Variants in FAM83H observed in about 807,000 individuals in gnomAD.
FAM83H encodes the protein protein FAM83H.
Under a neutral mutation model 30.2 loss-of-function variants are expected in FAM83H, and 24 were observed. That is an observed-to-expected ratio of 0.79 (90% CI 0.57 to 1.12). FAM83H has a LOEUF of 1.12. Ranked by LOEUF, FAM83H falls within the 50% of genes most tolerant of loss-of-function variation. The probability of loss-of-function intolerance (pLI) is 0.00; values close to 1 mark genes in which losing one functional copy is unlikely to be tolerated. For missense variants in FAM83H, 2,038 were observed against 1,773.9 expected (o/e 1.15, Z -2.67); for synonymous variants, 1,013 against 821.7 (o/e 1.23, Z -3.98).
rs781813332 is a variant in FAM83H, at chr8:143,728,222, C to T, written c.1239G>A (p.Ala413=). The change falls in exon 5 of 5, where the codon GCG becomes GCA. Residue 413 remains alanine, a synonymous_variant. Transcript: ENST00000388913. ...EMDAFKRHSF[A]TEGAGAVENF... ...TCTCCACGGCGCCCGCGCCCTCGGT[C>T]GCGAAGCTGTGCCGCTTGAAGGCGT... 2 of 1,594,606 alleles carry T rather than the reference C, an allele frequency of 1.3e-6. No individual in the cohort carries two copies. Among genetic ancestry groups the T allele is most frequent in the East Asian group, 2.3e-5 (1 of 44,280 alleles).
chr8:143,731,591 C>A, intron 1 of FAM83H: 8 of 985,466 alleles, frequency 8.1e-6, no homozygotes, highest in Non-Finnish European at 8.4e-6. Context: ...CTTGGCCTAC[C>A]TTTGACCTCT....
At chr8:143,729,380 C>G in intron 2 of FAM83H, 57 bp from the exon 3 acceptor site, 1 of 1,596,152 alleles carries the variant, frequency 6.3e-7, no homozygotes, top group Non-Finnish European at 8.6e-7. Flanking sequence ...ACACCATTGT[C>G]CAGCCTCCCC....
In FAM83H at chr8:143,725,156, C is replaced by CGGGGGGGGGGGGGGGGGGGGGA. The variant is rs549881150; in HGVS notation, c.*764_*765insTCCCCCCCCCCCCCCCCCCCCC. 2.7e-5 allele frequency: 1 copy of CGGGGGGGGGGGGGGGGGGGGGA among 37,530 alleles called. No individual in the cohort carries two copies. The highest frequency in any genetic ancestry group is 5.5e-5 in the Non-Finnish European group (1 of 18,068). 2.3% of individuals were successfully genotyped at this position (37,530 alleles called of 1,614,324 possible). On this transcript the variant is annotated 3_prime_UTR_variant, in exon 5 of 5. Transcript: ENST00000388913. ...AAGCCCAGGCGGGGGAGGGGGGAGA[C>CGGGGGGGGGGGGGGGGGGGGGA]GGGGGGGGGGGGGGGGGAGGGAAGG...
rs782484545 is a variant in FAM83H at position 143,730,189 on chromosome 8, C to CG, written c.393dup (p.Asp132ArgfsTer8). ...GCCTCATCCTTGATACTGGGGCTGT[C>CG]GGGGGGCGGTGGCTGCACCAAGGTG... On this transcript the variant is annotated frameshift_variant, in exon 2 of 5. Coordinates refer to ENST00000388913, the MANE Select transcript of FAM83H (RefSeq NM_198488.5). LOFTEE classifies it high-confidence loss of function. The CG allele has an allele frequency of 1.2e-6, 2 of 1,608,940 alleles. No homozygotes were observed.
At chr8:143,732,718 A>G (rs1034702302) in intron 1 of FAM83H, 9 of 985,208 alleles carry the variant, frequency 9.1e-6, no homozygotes, top group African/African-American at 1.7e-5. Context: ...CTCCTGGGCT[A>G]TGGACGGGGC....
Position 143,726,659 on chromosome 8 carries a change from C to G in FAM83H, c.2802G>C (p.Arg934Ser). The part of the protein sequence containing the change: ...SSPVPPVPER[R>S]GSLTLTISGE... ...CGGAGATGGTAAGGGTGAGGCTGCC[C>G]CTGCGCTCCGGCACGGGGGGCACCG... is the stretch of plus-strand genomic sequence containing the variant. Residue 934 changes from arginine (R) to serine (S), a missense_variant, in exon 5 of 5, where the codon AGG becomes AGC. Arg to Ser is a moderately radical substitution (Grantham distance 110). Coordinates refer to ENST00000388913, the MANE Select transcript of FAM83H (RefSeq NM_198488.5). 1.3e-6 allele frequency: 2 copies of G among 1,595,242 alleles called. No homozygotes were observed. The highest frequency in any genetic ancestry group is 1.7e-6 in the Non-Finnish European group (2 of 1,175,892).
chr8:143,728,358 T>TCCAGCGCGCC lies in FAM83H; in HGVS notation c.1093_1102dup (p.Glu368GlyfsTer87). 6.5e-7 allele frequency: 1 copy of TCCAGCGCGCC among 1,541,484 alleles called. No homozygotes were observed. Among genetic ancestry groups the TCCAGCGCGCC allele is most frequent in the Non-Finnish European group, 8.8e-7 (1 of 1,142,802 alleles). ...GAGCGGCCGCAGCCCCGCGTGCGGTTCCAGCGCGCCCCCCGGCATCCGCGG... is the reference window on the plus strand; with the variant it reads ...GAGCGGCCGCAGCCCCGCGTGCGGTTCCAGCGCGCCCCAGCGCGCCCCCCGGCATCCGCGG... On this transcript the variant is annotated frameshift_variant, in exon 5 of 5. Transcript: ENST00000388913. LOFTEE classifies it low-confidence loss of function (END_TRUNC).
chr8:143,732,262 A>G, intron 1 of FAM83H: 2 of 985,380 alleles, frequency 2.0e-6, no homozygotes, highest in Non-Finnish European at 2.4e-6. Context: ...AGCTGTCCCA[A>G]CATTTCTTTG....
intron 2 of FAM83H, 150 bp from the exon 3 acceptor site, chr8:143,729,473 G>C: frequency 1.2e-6 from 1 of 856,662 alleles, no homozygotes; most frequent in Non-Finnish European, 1.9e-6. Context: ...CCACATCTGG[G>C]AAGATGGGCA....
intron 1 of FAM83H, chr8:143,732,155 GC>G: frequency 3.0e-6 from 3 of 985,420 alleles, no homozygotes; most frequent in Non-Finnish European, 3.6e-6. Flanking sequence ...TCAGGAGGCA[GC>G]CGTCCTGCCT....
rs782018868 is a variant in FAM83H, at chr8:143,727,691, G to A, written c.1770C>T (p.Cys590=). 2 of 1,560,244 alleles carry A rather than the reference G, an allele frequency of 1.3e-6. No homozygotes were observed. The highest frequency in any genetic ancestry group is 2.3e-5 in the South Asian group (2 of 86,512). ...CGTCGTCGCCCCCATCCTCGCCGTG[G>A]CAGCCGCTCAAGTAGGAGGCCAAAC... ...RWRLASYLSG[C]HGEDGGDDGL... Residue 590 remains cysteine, a synonymous_variant, in exon 5 of 5, where the codon TGC becomes TGT. Coordinates refer to ENST00000388913, the MANE Select transcript of FAM83H (RefSeq NM_198488.5).
intron 1 of FAM83H, chr8:143,732,934 C>T (rs1192945274): frequency 6.4e-6 from 1 of 155,848 alleles, no homozygotes; most frequent in Admixed American, 6.5e-5. Context: ...CCCATCCTCT[C>T]CACCCTGGCA....
Position 143,728,130 on chromosome 8 carries a change from T to C in FAM83H, c.1331A>G (p.Gln444Arg). 6.2e-7 allele frequency: 1 copy of C among 1,610,116 alleles called. No homozygotes were observed. The highest frequency in any genetic ancestry group is 8.5e-7 in the Non-Finnish European group (1 of 1,179,236). ...FLSHGDDFRF[Q>R]TSHFHRDQLY... The stretch of plus-strand genomic sequence containing the variant: ...CTGGTCACGGTGGAAGTGGCTGGTC[T>C]GGAAGCGGAAGTCGTCGCCGTGGCT... The change falls in exon 5 of 5, where the codon CAG becomes CGG. Residue 444 changes from glutamine (Q) to arginine (R), a missense_variant. Gln to Arg is a conservative substitution (Grantham distance 43). Transcript: ENST00000388913.
In FAM83H at chr8:143,726,402, C is replaced by T. The variant is rs117987215; in HGVS notation, c.3059G>A (p.Arg1020Gln). The T allele has an allele frequency of 9.0e-3, 14,465 of 1,605,694 alleles. 91 individuals are homozygous for T. The highest frequency in any genetic ancestry group is 0.011 in the Non-Finnish European group (13,045 of 1,177,790). Residue 1020 changes from arginine (R) to glutamine (Q), a missense_variant, in exon 5 of 5, where the codon CGG (arginine) becomes CAG (glutamine). Transcript: ENST00000388913. ...TEAATEERGP[R>Q]ARLSSATANA... ...GGCCGTGGCTGAGGACAGGCGCGCCCGCGGACCCCGCTCTTCTGTGGCAGC... is the reference window on the plus strand; with the variant it reads ...GGCCGTGGCTGAGGACAGGCGCGCCTGCGGACCCCGCTCTTCTGTGGCAGC...
chr8:143,731,815 CTG>C lies in FAM83H; in HGVS notation c.-15-1220_-15-1219del, dbSNP rs1307686636. On this transcript the variant is annotated intron_variant, in intron 1 of 4. Coordinates refer to ENST00000388913, the MANE Select transcript of FAM83H (RefSeq NM_198488.5). ...ATGCTTGGCTGCCCCACAGCCCACT[CTG>C]TTCTCCAAAGGGTCCCTGCGGGGGC... The C allele has an allele frequency of 1.8e-5, 18 of 985,360 alleles. No individual in the cohort carries two copies. The Admixed American group carries it at 4.9e-4, about 27-fold the overall frequency. 61.0% of individuals were successfully genotyped at this position (985,360 alleles called of 1,614,324 possible).
chr8:143,727,264 T>A lies in FAM83H; in HGVS notation c.2197A>T (p.Lys733Ter). Residue 733 changes from lysine (K) to a stop codon, truncating the protein, a stop_gained, in exon 5 of 5, where the codon AAG (lysine) becomes TAG (stop). Coordinates refer to ENST00000388913, the MANE Select transcript of FAM83H (RefSeq NM_198488.5). LOFTEE classifies it low-confidence loss of function (END_TRUNC). The part of the protein sequence containing the change: ...GEAVRSAAST[K>*]VAELLEKYKG... The stretch of plus-strand genomic sequence containing the variant: ...TACTTCTCCAGCAGCTCCGCCACCT[T>A]GGTGGAAGCCGCGGAGCGCACGGCC... 6.5e-7 allele frequency: 1 copy of A among 1,535,358 alleles called. No individual in the cohort carries two copies. Among genetic ancestry groups the A allele is most frequent in the South Asian group, 1.2e-5 (1 of 84,090 alleles).
Position 143,729,285 on chromosome 8 carries a change from G to A in FAM83H, c.486C>T (p.Asp162=). ...AVVMDMFTDV[D]LLSEVLEAAA... Reference sequence around the variant, plus strand: ...CGGCCTCCAGCACTTCGCTGAGCAGGTCCACATCAGTGAACATGTCCATCA... The same window carrying A: ...CGGCCTCCAGCACTTCGCTGAGCAGATCCACATCAGTGAACATGTCCATCA... The change falls in exon 3 of 5, where the codon GAC becomes GAT. Residue 162 remains aspartate (D), a synonymous_variant. Transcript: ENST00000388913. The A allele has an allele frequency of 1.9e-6, 3 of 1,613,372 alleles. No homozygotes were observed. The South Asian group carries it at 3.3e-5, about 18-fold the overall frequency.
chr8:143,730,497 C>A lies in FAM83H; in HGVS notation c.86G>T (p.Arg29Leu). ...YLPPHYKEYY[R>L]LAVDALAEGG... Reference sequence around the variant, plus strand: ...CTCGGCCAGTGCATCCACCGCCAGGCGGTAGTACTCTTTGTAGTGAGGCGG... The same window carrying A: ...CTCGGCCAGTGCATCCACCGCCAGGAGGTAGTACTCTTTGTAGTGAGGCGG... The change falls in exon 2 of 5, where the codon CGC becomes CTC. Residue 29 changes from arginine (R) to leucine (L), a missense_variant. Transcript: ENST00000388913. 6.2e-7 allele frequency: 1 copy of A among 1,601,858 alleles called. No homozygotes were observed. Among genetic ancestry groups the A allele is most frequent in the Non-Finnish European group, 8.5e-7 (1 of 1,173,050 alleles).
At position 143,727,136 on chromosome 8, in the gene FAM83H, G is replaced by A. The variant is rs1008844550; in HGVS notation, c.2325C>T (p.Ala775=). 16 of 1,534,312 alleles carry A rather than the reference G, an allele frequency of 1.0e-5. No individual in the cohort carries two copies. Among genetic ancestry groups the A allele is most frequent in the Admixed American group, 2.0e-5 (1 of 50,998 alleles). Residue 775 remains alanine, a synonymous_variant, in exon 5 of 5, where the codon GCC becomes GCT. Coordinates refer to ENST00000388913, the MANE Select transcript of FAM83H (RefSeq NM_198488.5). The part of the protein sequence containing the change: ...VSQAWREEVA[A]PGAVGGERRS... ...GGCGCTCGCCCCCCACGGCACCTGG[G>A]GCCGCCACCTCTTCCCGCCACGCCT...
Sources: gnomAD v4.1 joint callset for allele counts on GRCh38, gnomAD v4.1.1 for gene constraint, MANE v1.5 for transcripts, NCBI Gene and HGNC (gene_info 2026-07-23, HGNC 2026-07-21) for gene names.